The following ANO10 variants were observed in gnomAD, a reference collection of about 807,000 sequenced individuals.
The protein encoded by ANO10 is anoctamin-10.
In ANO10, 77 loss-of-function variants were observed where a neutral mutation model predicts 74.7. The observed-to-expected ratio is 1.03, with a 90% CI of 0.86 to 1.25. The LOEUF is 1.25. ANO10 is among the 50% of genes most tolerant of loss of function. The probability of loss-of-function intolerance (pLI) is 0.00; values close to 1 mark genes in which losing one functional copy is unlikely to be tolerated. For synonymous variants in ANO10, 279 were observed against 284.9 expected (o/e 0.98, Z 0.21); for missense variants, 721 against 778.1 (o/e 0.93, Z 0.87).
intron 11 of ANO10, among the ~76,000 whole-genome samples, chr3:43,445,379 G>A (rs2093229990): frequency 6.6e-6 from 1 of 151,882 alleles, no homozygotes; most frequent in South Asian, 2.1e-4. Context: ...AAAAGTAGGG[G>A]AAACTAGCTA....
intron 11 of ANO10, among the ~76,000 whole-genome samples, chr3:43,491,244 G>A (rs866139028): frequency 1.3e-5 from 2 of 152,238 alleles, no homozygotes; most frequent in Middle Eastern, 3.4e-3. Flanking sequence ...CAGACACAGT[G>A]GCCTCATGCC....
chr3:43,535,704 T>C (rs927340821), intron 11 of ANO10, among the ~76,000 whole-genome samples: 4 of 152,160 alleles, frequency 2.6e-5, no homozygotes, highest in African/African-American at 9.7e-5. Context: ...GCACTGTGAG[T>C]ATAAATGACA....
intron 1 of ANO10, chr3:43,691,130 C>G (rs1233119950): frequency 2.4e-6 from 3 of 1,270,628 alleles, no homozygotes; most frequent in African/African-American, 1.5e-5. Flanking sequence ...ACCAAGGAGT[C>G]GCCGCCCGCC....
intron 1 of ANO10, among the ~76,000 whole-genome samples, chr3:43,676,443 G>C (rs188045922): frequency 7.9e-4 from 121 of 152,256 alleles, no homozygotes; most frequent in African/African-American, 2.9e-3. Context: ...GGGAGACAGA[G>C]TGAGACCCTG....
At chr3:43,670,230 C>T (rs139133738) in intron 1 of ANO10, among the ~76,000 whole-genome samples, 3,206 of 151,980 alleles carry the variant, frequency 0.021, 55 homozygotes, top group South Asian at 0.092. Context: ...GTCATGGTGG[C>T]ACATGCCTGT....
At chr3:43,601,275 G>T (rs563705915) in intron 2 of ANO10, among the ~76,000 whole-genome samples, 1 of 152,104 alleles carries the variant, frequency 6.6e-6, no homozygotes, top group Admixed American at 6.6e-5. Context: ...GCACGATCTT[G>T]GCTCACTGCA....
chr3:43,460,784 T>C (rs186711189), intron 11 of ANO10, among the ~76,000 whole-genome samples: 1 of 150,046 alleles, frequency 6.7e-6, no homozygotes, highest in African/African-American at 2.5e-5. Context: ...GGAGAGAGGG[T>C]TTTTTTTAAA....
chr3:43,672,255 G>A (rs1445290614), intron 1 of ANO10, among the ~76,000 whole-genome samples: 1 of 152,064 alleles, frequency 6.6e-6, no homozygotes, highest in African/African-American at 2.4e-5. Context: ...CTGGTGTGGT[G>A]GTTCACGCCT....
At chr3:43,608,453 C>T (rs1473437276) in intron 1 of ANO10, among the ~76,000 whole-genome samples, 1 of 152,074 alleles carries the variant, frequency 6.6e-6, no homozygotes, top group African/African-American at 2.4e-5. Context: ...TTTGTAGAGA[C>T]AGGGTTTTGC....
At chr3:43,601,954 C>G (rs545166720) in intron 2 of ANO10, among the ~76,000 whole-genome samples, 39 of 152,334 alleles carry the variant, frequency 2.6e-4, no homozygotes, top group Non-Finnish European at 4.9e-4. Context: ...CTTCCCCCAG[C>G]TGCTTCCAGC....
intron 1 of ANO10, among the ~76,000 whole-genome samples, chr3:43,629,475 C>A (rs2083525372): frequency 6.6e-6 from 1 of 152,084 alleles, no homozygotes; most frequent in South Asian, 2.1e-4. Context: ...GAATTCTGAG[C>A]AGATGAGAGA....
chr3:43,682,475 A>G (rs2084214693), intron 1 of ANO10, among the ~76,000 whole-genome samples: 1 of 152,194 alleles, frequency 6.6e-6, no homozygotes, highest in Non-Finnish European at 1.5e-5. Flanking sequence ...GACCAGATGG[A>G]TTCACAGCCG....
intron 11 of ANO10, among the ~76,000 whole-genome samples, chr3:43,470,110 C>T (rs1440845050): frequency 6.6e-6 from 1 of 152,164 alleles, no homozygotes; most frequent in East Asian, 1.9e-4. Context: ...AATTGATAAA[C>T]AAACTGTTGC....
chr3:43,399,900 C>T (rs990318748), intron 12 of ANO10, among the ~76,000 whole-genome samples: 3 of 152,066 alleles, frequency 2.0e-5, no homozygotes, highest in Admixed American at 6.6e-5. Flanking sequence ...CCTAAGCTCC[C>T]ACCCCAATTT....
chr3:43,598,772 A>G (rs2082206308), intron 3 of ANO10, 106 bp from the exon 4 acceptor site: 1 of 888,464 alleles, frequency 1.1e-6, no homozygotes, highest in Non-Finnish European at 1.7e-6. Flanking sequence ...CAATTAACAT[A>G]AGAAGTAATC....
chr3:43,372,455 G>A (rs1321873296), intron 12 of ANO10, among the ~76,000 whole-genome samples: 2 of 152,164 alleles, frequency 1.3e-5, no homozygotes, highest in Non-Finnish European at 2.9e-5. Context: ...ACCCCTTCTT[G>A]TCTCTCATCC....
intron 11 of ANO10, among the ~76,000 whole-genome samples, chr3:43,480,169 A>G (rs2076212846): frequency 6.6e-6 from 1 of 152,240 alleles, no homozygotes; most frequent in African/African-American, 2.4e-5. Context: ...GAAAATCTCA[A>G]AATAGACAGA....
At chr3:43,689,668 GTTTATTT>G (rs2084325519) in intron 1 of ANO10, among the ~76,000 whole-genome samples, 1 of 152,146 alleles carries the variant, frequency 6.6e-6, no homozygotes, top group Admixed American at 6.5e-5. Context: ...ATTCGATAAT[GTTTATTT>G]AAAAGCTGTA....
intron 12 of ANO10, among the ~76,000 whole-genome samples, chr3:43,409,500 C>A (rs553089517): frequency 1.3e-5 from 2 of 151,694 alleles, no homozygotes; most frequent in African/African-American, 2.4e-5. Flanking sequence ...GCCAAGACTG[C>A]CCCACTGTAC....
Sources: gnomAD v4.1 joint callset for allele counts (sites outside exome capture counted in the v4.1 genomes callset) on GRCh38, gnomAD v4.1.1 for gene constraint, MANE v1.5 for transcripts, NCBI Gene and HGNC (gene_info 2026-07-23, HGNC 2026-07-21) for gene names.